PACSIN1: variants seen among roughly 807,000 people sequenced by gnomAD.
The protein encoded by PACSIN1 is protein kinase C and casein kinase substrate in neurons protein 1.
A neutral mutation model predicts 59.5 loss-of-function variants in PACSIN1; 15 were observed. The ratio of observed to expected loss-of-function variants is 0.25; its 90% CI spans 0.17 to 0.39. The LOEUF (loss-of-function observed/expected upper bound fraction) is 0.39. Ranked by LOEUF, PACSIN1 falls within the 10% of genes least tolerant of loss-of-function variation. The probability of loss-of-function intolerance (pLI) is 1.00; values close to 1 mark genes in which losing one functional copy is unlikely to be tolerated. For missense variants in PACSIN1, 420 were observed against 580.2 expected (o/e 0.72, Z 2.84); for synonymous variants, 210 against 220.6 (o/e 0.95, Z 0.42).
At position 34,525,874 on chromosome 6, in the gene PACSIN1, C is replaced by T. The variant is rs574371509; in HGVS notation, c.-63-369C>T. ...GGGCTGCTGAGGTTGGGAGCAAGGG[C>T]AGACAGAAGGGCATTTACAGGGTCC... On this transcript the variant is annotated intron_variant, in intron 1 of 9. Transcript: ENST00000244458. This position sits in a 1 kb window ranked among gnomAD's most constrained non-coding sequence, Gnocchi z 4.9. Among the ~76,000 whole-genome samples the T allele has an allele frequency of 7.9e-5, 12 of 152,218 alleles. No homozygotes were observed. In the South Asian group the frequency reaches 2.5e-3, roughly 32 times the overall value.
chr6:34,531,786 C>G lies in PACSIN1; in HGVS notation c.1224C>G (p.Ala408=). The G allele has an allele frequency of 6.4e-7, 1 of 1,557,248 alleles. No individual in the cohort carries two copies. Among genetic ancestry groups the G allele is most frequent in the Non-Finnish European group, 8.7e-7 (1 of 1,149,556 alleles). Residue 408 remains alanine (A), a splice_region_variant and synonymous_variant, in exon 9 of 10, where the codon GCC becomes GCG. Transcript: ENST00000244458. The surrounding 1 kb of genome is among the most constrained non-coding windows in gnomAD (Gnocchi z 4.4). ...GQEQDELSFK[A]GDELTKLGEE... Reference sequence around the variant, plus strand: ...AGCAGGACGAGCTCAGCTTTAAGGCCGGTAGGACGGCTGGGCGGGGCAGTG... The same window carrying G: ...AGCAGGACGAGCTCAGCTTTAAGGCGGGTAGGACGGCTGGGCGGGGCAGTG...
In PACSIN1 at chr6:34,527,194, G is replaced by A. The variant is rs1197074752; in HGVS notation, c.64-138G>A. On this transcript the variant is annotated intron_variant, in intron 2 of 9. Coordinates refer to ENST00000244458, the MANE Select transcript of PACSIN1 (RefSeq NM_020804.5). ...GCCGCTGCGCCGCGGGGCGGGGGGC[G>A]GGGGCGGGGGCGGGGACGGCGAGGC... 31 of 866,458 alleles carry A rather than the reference G, an allele frequency of 3.6e-5. 1 individual carries two copies. Among genetic ancestry groups the A allele is most frequent in the South Asian group, 7.3e-5 (3 of 41,094 alleles). The allele number at this position is 866,458 out of a possible 1,614,324, so 53.7% of individuals were successfully genotyped here.
intron 1 of PACSIN1, among the ~76,000 whole-genome samples, chr6:34,470,819 G>A (rs1161456963): frequency 6.6e-6 from 1 of 152,104 alleles, no homozygotes; most frequent in Non-Finnish European, 1.5e-5. Flanking sequence ...AACAACAAAT[G>A]TGTTTTTGTT....
chr6:34,493,431 G>A (rs1391809250), intron 1 of PACSIN1, among the ~76,000 whole-genome samples: 11 of 152,200 alleles, frequency 7.2e-5, no homozygotes, highest in Admixed American at 7.2e-4. Context: ...TAAACCCAAC[G>A]GTGGAAGTGC....
chr6:34,476,430 C>A (rs928583781), intron 1 of PACSIN1, among the ~76,000 whole-genome samples: 2 of 151,698 alleles, frequency 1.3e-5, no homozygotes, highest in Admixed American at 1.3e-4. Context: ...CACACTCCCT[C>A]CCCCCTCCAC....
chr6:34,514,962 G>GCCA lies in PACSIN1; in HGVS notation c.-63-11276_-63-11274dup, dbSNP rs770217673. 2.0e-5 allele frequency: 3 copies of GCCA among 152,322 alleles called. No homozygotes were observed. The highest frequency in any genetic ancestry group is 2.9e-5 in the Non-Finnish European group (2 of 68,220). 9.4% of individuals were successfully genotyped at this position (152,322 alleles called of 1,614,324 possible). A position where few individuals can be genotyped will look rare whatever the true frequency, so the allele number is the denominator to read the frequency against. Reference sequence around the variant, plus strand: ...CCGGCAGCAGGCCCCCTCTCCGCCCGCCACCACGGAGGAGAAGGAGGACAG... The same window carrying GCCA: ...CCGGCAGCAGGCCCCCTCTCCGCCCGCCACCACCACGGAGGAGAAGGAGGACAG... On this transcript the variant is annotated intron_variant, in intron 1 of 9. Transcript: ENST00000244458. This position sits in a 1 kb window ranked among gnomAD's most constrained non-coding sequence, Gnocchi z 4.4.
intron 1 of PACSIN1, among the ~76,000 whole-genome samples, chr6:34,522,641 G>A (rs1257995417): frequency 2.6e-5 from 4 of 152,196 alleles, no homozygotes; most frequent in Non-Finnish European, 4.4e-5. Flanking sequence ...TCATGTGATT[G>A]TGAAGAAGTC....
rs922211306 is a variant in PACSIN1, at chr6:34,488,051, G to A, written c.-64+21781G>A. Among the ~76,000 whole-genome samples, 19 of 152,134 alleles carry A rather than the reference G, an allele frequency of 1.2e-4. No homozygotes were observed. Among genetic ancestry groups the A allele is most frequent in the African/African-American group, 4.6e-4 (19 of 41,416 alleles). ...AGTCCCGCTGCTGCAGCAGGACTCTGGGCCACAACAGACACTTGCACTCTC... is the reference window on the plus strand; with the variant it reads ...AGTCCCGCTGCTGCAGCAGGACTCTAGGCCACAACAGACACTTGCACTCTC... On this transcript the variant is annotated intron_variant, in intron 1 of 9. Coordinates refer to ENST00000244458, the MANE Select transcript of PACSIN1 (RefSeq NM_020804.5). The surrounding 1 kb of genome is among the most constrained non-coding windows in gnomAD (Gnocchi z 4.7).
intron 1 of PACSIN1, among the ~76,000 whole-genome samples, chr6:34,523,118 T>C (rs776014950): frequency 7.9e-5 from 12 of 152,230 alleles, no homozygotes; most frequent in Non-Finnish European, 1.6e-4. Flanking sequence ...CTTTGGCAGG[T>C]TACTTCGCTG....
At position 34,516,268 on chromosome 6, in the gene PACSIN1, G is replaced by A. The variant is rs551225359; in HGVS notation, c.-63-9975G>A. On this transcript the variant is annotated intron_variant, in intron 1 of 9. Transcript: ENST00000244458. This position sits in a 1 kb window ranked among gnomAD's most constrained non-coding sequence, Gnocchi z 5.4. Reference sequence around the variant, plus strand: ...TCACATGATGGGTAGGGGCATACACGCTGAGAAGCTGGCGTGGCTCTGCTC... The same window carrying A: ...TCACATGATGGGTAGGGGCATACACACTGAGAAGCTGGCGTGGCTCTGCTC... 1.5e-4 allele frequency among the ~76,000 whole-genome samples: 23 copies of A among 152,304 alleles called. No homozygotes were observed. In the South Asian group the frequency reaches 1.9e-3, roughly 12 times the overall value.
rs1362253490 is a variant in PACSIN1, at chr6:34,529,427, G to T, written c.487G>T (p.Ala163Ser). ...GGCAGCCAAGAAGGCCTACCATTTG[G>T]CTTGCAAAGAGGAAAAGCTGGCCAT... is the stretch of plus-strand genomic sequence containing the variant. Reference protein sequence around the residue: ...LEAAKKAYHLACKEEKLAMTR... With the variant: ...LEAAKKAYHLSCKEEKLAMTR... Residue 163 changes from alanine to serine, a missense_variant, in exon 5 of 10, where the codon GCT (alanine) becomes TCT (serine). Ala to Ser is a moderately conservative substitution (Grantham distance 99). Transcript: ENST00000244458. This position sits in a 1 kb window ranked among gnomAD's most constrained non-coding sequence, Gnocchi z 6.3. 2 of 1,614,170 alleles carry T rather than the reference G, an allele frequency of 1.2e-6. No homozygotes were observed. The highest frequency in any genetic ancestry group is 1.7e-5 in the Admixed American group (1 of 60,018).
At chr6:34,483,578 C>A (rs1049778788) in intron 1 of PACSIN1, among the ~76,000 whole-genome samples, 1 of 149,164 alleles carries the variant, frequency 6.7e-6, no homozygotes, top group Admixed American at 6.7e-5. Flanking sequence ...GCTCCCTTTA[C>A]GTGGTTTCTG....
Position 34,529,870 on chromosome 6 carries a change from A to T in PACSIN1, c.788+29A>T. On this transcript the variant is annotated intron_variant, in intron 6 of 9. Coordinates refer to ENST00000244458, the MANE Select transcript of PACSIN1 (RefSeq NM_020804.5). This position sits in a 1 kb window ranked among gnomAD's most constrained non-coding sequence, Gnocchi z 6.3. ...CCTGGGCATGGCAGGCACCGAGGGC[A>T]CAGGCACAGCCAGCAGATGGTGTGA... 6.2e-7 allele frequency: 1 copy of T among 1,605,620 alleles called. No individual in the cohort carries two copies. Among genetic ancestry groups the T allele is most frequent in the Admixed American group, 1.7e-5 (1 of 59,378 alleles).
intron 1 of PACSIN1, among the ~76,000 whole-genome samples, chr6:34,507,374 A>G (rs995697798): frequency 6.6e-6 from 1 of 152,048 alleles, no homozygotes; most frequent in Non-Finnish European, 1.5e-5. Context: ...TGTTTTATAT[A>G]TAGGGGTGGT....
chr6:34,499,215 C>A (rs1432787373), intron 1 of PACSIN1, among the ~76,000 whole-genome samples: 1 of 151,840 alleles, frequency 6.6e-6, no homozygotes, highest in Non-Finnish European at 1.5e-5. Context: ...AGATCCCTCG[C>A]ATTCACAAGT....
intron 2 of PACSIN1, 26 bp downstream of exon 2, chr6:34,526,394 C>T (rs747991383): frequency 4.4e-6 from 7 of 1,601,908 alleles, no homozygotes; most frequent in Non-Finnish European, 6.0e-6. Context: ...TCCCCAGGTT[C>T]GGGGACCAGA....
chr6:34,520,282 G>A (rs1035096070), intron 1 of PACSIN1, among the ~76,000 whole-genome samples: 1 of 152,208 alleles, frequency 6.6e-6, no homozygotes, highest in Non-Finnish European at 1.5e-5. Flanking sequence ...CTATCTCTGG[G>A]TAAGGCGAGG....
At chr6:34,522,887 T>C (rs184967964) in intron 1 of PACSIN1, among the ~76,000 whole-genome samples, 1 of 152,282 alleles carries the variant, frequency 6.6e-6, no homozygotes, top group Admixed American at 6.5e-5. Flanking sequence ...GAACTCACCT[T>C]TCCTCTGCCT....
At chr6:34,520,306 G>A (rs1480816325) in intron 1 of PACSIN1, among the ~76,000 whole-genome samples, 1 of 152,218 alleles carries the variant, frequency 6.6e-6, no homozygotes, top group East Asian at 1.9e-4. Context: ...GGGTTGGGGG[G>A]CACTGCTGGG....
Sources: gnomAD v4.1 joint callset for allele counts (sites outside exome capture counted in the v4.1 genomes callset) on GRCh38, gnomAD v4.1.1 for gene constraint, Gnocchi (gnomAD v3.1) non-coding constraint, MANE v1.5 for transcripts, NCBI Gene and HGNC (gene_info 2026-07-23, HGNC 2026-07-21) for gene names.